HMGCLL1: variants seen among roughly 807,000 people sequenced by gnomAD.
HMGCLL1 encodes the protein 3-hydroxy-3-methylglutaryl-CoA lyase like 1, also known as 3-hydroxymethyl-3-methylglutaryl-CoA lyase, cytoplasmic.
In HMGCLL1, 36 loss-of-function variants were observed where a neutral mutation model predicts 39.1. The ratio of observed to expected loss-of-function variants is 0.92; its 90% CI spans 0.71 to 1.22. The LOEUF is 1.22. Ranked by LOEUF, HMGCLL1 falls within the 50% of genes most tolerant of loss-of-function variation. The pLI is 0.00. For missense variants in HMGCLL1, 451 were observed against 416.5 expected, an observed-to-expected ratio of 1.08 and a Z score of -0.72; for synonymous variants, 149 against 144.0, an observed-to-expected ratio of 1.03 and a Z score of -0.25.
intron 3 of HMGCLL1, among the ~76,000 whole-genome samples, chr6:55,526,910 T>C (rs1029031569): frequency 7.9e-5 from 12 of 152,070 alleles, no homozygotes; most frequent in African/African-American, 2.4e-4. Flanking sequence ...AAGCCAACCT[T>C]GCTGATTCCC....
the HMGCLL1 span, among the ~76,000 whole-genome samples, chr6:55,652,076 C>T: frequency 4.6e-5 from 7 of 151,958 alleles, no homozygotes; most frequent in African/African-American, 1.2e-4. Context: ...CTGATTTTTT[C>T]GTTCTTAGTC....
At chr6:55,525,265 T>A (rs1768260865) in intron 3 of HMGCLL1, among the ~76,000 whole-genome samples, 2 of 151,808 alleles carry the variant, frequency 1.3e-5, no homozygotes, top group Admixed American at 6.6e-5. Context: ...CACTTAGAGA[T>A]CCTCTAAATG....
At chr6:55,438,208 G>A (rs778700271) in intron 8 of HMGCLL1, among the ~76,000 whole-genome samples, 4 of 152,056 alleles carry the variant, frequency 2.6e-5, no homozygotes, top group African/African-American at 7.2e-5. Context: ...AAGATACGAT[G>A]TAAATGAAAT....
chr6:55,555,203 T>G (rs1017582745), intron 1 of HMGCLL1, among the ~76,000 whole-genome samples: 2 of 152,208 alleles, frequency 1.3e-5, no homozygotes, highest in African/African-American at 4.8e-5. Flanking sequence ...ACTGAATTAT[T>G]TGCCATTTCT....
At chr6:55,629,137 A>C in the HMGCLL1 span, among the ~76,000 whole-genome samples, 6 of 152,136 alleles carry the variant, frequency 3.9e-5, no homozygotes, top group Non-Finnish European at 8.8e-5. Flanking sequence ...AAAGTTTGAA[A>C]CTTCCTAGCA....
At chr6:55,479,023 G>A (rs1337822435) in intron 7 of HMGCLL1, among the ~76,000 whole-genome samples, 1 of 151,448 alleles carries the variant, frequency 6.6e-6, no homozygotes, top group Non-Finnish European at 1.5e-5. Context: ...CCATCTGCCA[G>A]TGAATTGAAC....
chr6:55,515,022 A>G (rs1478058990), intron 4 of HMGCLL1, among the ~76,000 whole-genome samples: 2 of 152,040 alleles, frequency 1.3e-5, no homozygotes, highest in African/African-American at 2.4e-5. Context: ...TGGGAACTCA[A>G]GGTAGGCAGA....
the HMGCLL1 span, among the ~76,000 whole-genome samples, chr6:55,587,278 T>A: frequency 1.3e-5 from 2 of 152,114 alleles, no homozygotes; most frequent in Non-Finnish European, 2.9e-5. Flanking sequence ...GAGTTCTTTG[T>A]AGATTCTGGA....
chr6:55,549,834 CTA>C (rs1433462124), intron 1 of HMGCLL1, among the ~76,000 whole-genome samples: 1 of 151,800 alleles, frequency 6.6e-6, no homozygotes, highest in African/African-American at 2.4e-5. Context: ...CAGTGATGTG[CTA>C]TGAGTTTTCA....
the HMGCLL1 span, among the ~76,000 whole-genome samples, chr6:55,587,551 C>T: frequency 6.6e-6 from 1 of 152,050 alleles, no homozygotes; most frequent in African/African-American, 2.4e-5. Context: ...TCACACATAA[C>T]AATATTAACC....
the HMGCLL1 span, among the ~76,000 whole-genome samples, chr6:55,628,279 T>C: frequency 7.6e-6 from 1 of 131,760 alleles, no homozygotes; most frequent in East Asian, 2.2e-4. Flanking sequence ...CAGCACTTTA[T>C]TGTTCTTATT....
At chr6:55,573,059 C>T (rs1771595170) in intron 1 of HMGCLL1, among the ~76,000 whole-genome samples, 1 of 152,156 alleles carries the variant, frequency 6.6e-6, no homozygotes, top group Admixed American at 6.6e-5. Context: ...CAGGTCTCAG[C>T]AAGGAGGAGC....
At chr6:55,555,994 G>T (rs1770641071) in intron 1 of HMGCLL1, among the ~76,000 whole-genome samples, 1 of 152,066 alleles carries the variant, frequency 6.6e-6, no homozygotes, top group Non-Finnish European at 1.5e-5. Context: ...TTTTGACCCT[G>T]AAGGCCAGTA....
chr6:55,634,122 A>G, the HMGCLL1 span, among the ~76,000 whole-genome samples: 4 of 152,174 alleles, frequency 2.6e-5, no homozygotes, highest in African/African-American at 9.6e-5. Flanking sequence ...ATAGAAAGCA[A>G]TATTAATATG....
chr6:55,487,888 T>A (rs992471704), intron 7 of HMGCLL1, among the ~76,000 whole-genome samples: 2 of 152,018 alleles, frequency 1.3e-5, no homozygotes, highest in Non-Finnish European at 2.9e-5. Flanking sequence ...CTTCCAAGTA[T>A]CTCCTCTGGG....
At chr6:55,539,369 A>C (rs1456018372) in intron 3 of HMGCLL1, among the ~76,000 whole-genome samples, 1 of 152,198 alleles carries the variant, frequency 6.6e-6, no homozygotes, top group Non-Finnish European at 1.5e-5. Context: ...AAATAATTCT[A>C]TCATAAAGAC....
intron 3 of HMGCLL1, among the ~76,000 whole-genome samples, chr6:55,539,210 C>T (rs149907815): frequency 2.6e-5 from 4 of 152,210 alleles, no homozygotes; most frequent in Admixed American, 1.3e-4. Context: ...CAGGTATAGA[C>T]AGTCTTGAAT....
At chr6:55,583,662 T>G (rs1022341832), upstream of HMGCLL1, among the ~76,000 whole-genome samples, 10 of 152,116 alleles carry the variant, frequency 6.6e-5, no homozygotes, top group East Asian at 7.7e-4. Context: ...ACATACGTGT[T>G]CATGTGTCTT....
Position 55,559,797 on chromosome 6 carries a change from G to A in HMGCLL1, c.109-17657C>T, listed in dbSNP as rs112825497. The stretch of plus-strand genomic sequence containing the variant: ...TCAGGGATGATTATGAAGGACTGGG[G>A]CTAGAGAAGAACACTGGCTTCCATA... On this transcript the variant is annotated intron_variant, in intron 1 of 8. Coordinates refer to ENST00000274901, the MANE Select transcript of HMGCLL1 (RefSeq NM_001042406.2). 2.3e-3 allele frequency among the ~76,000 whole-genome samples: 344 copies of A among 152,226 alleles called. 1 individual carries two copies. The highest frequency in any genetic ancestry group is 7.8e-3 in the African/African-American group (326 of 41,534).
Sources: allele counts gnomAD v4.1 joint callset (sites outside exome capture counted in the v4.1 genomes callset), GRCh38; gene constraint gnomAD v4.1.1; transcripts MANE v1.5; gene names NCBI Gene and HGNC (gene_info 2026-07-23, HGNC 2026-07-21).